LPCAT2: variants seen among roughly 807,000 people sequenced by gnomAD.
LPCAT2 encodes lysophosphatidylcholine acyltransferase 2.
LPCAT2 carries 58 observed loss-of-function variants against 64.7 expected under a neutral mutation model. That is an observed-to-expected ratio of 0.90 (90% CI 0.73 to 1.12). The LOEUF (loss-of-function observed/expected upper bound fraction) is 1.12. LPCAT2 is among the 50% of genes most tolerant of loss of function. The pLI, the probability that LPCAT2 is intolerant of heterozygous loss-of-function variation, is 0.00. For missense variants in LPCAT2, 579 were observed against 669.8 expected, an observed-to-expected ratio of 0.86 and a Z score of 1.50; for synonymous variants, 252 against 245.3, an observed-to-expected ratio of 1.03 and a Z score of -0.26.
At chr16:55,525,461 A>G in intron 1 of LPCAT2, 47 bp from the exon 2 acceptor site, 8 of 1,551,506 alleles carry the variant, frequency 5.2e-6, no homozygotes, top group African/African-American at 1.4e-5. Context: ...ATAGCCATGA[A>G]TTAAAATAAT....
chr16:55,571,993 G>T (rs1391545126), intron 11 of LPCAT2, among the ~76,000 whole-genome samples: 1 of 152,024 alleles, frequency 6.6e-6, no homozygotes, highest in African/African-American at 2.4e-5. Flanking sequence ...ACAGTATATT[G>T]ATTTACTAAT....
In LPCAT2 at chr16:55,547,388, C is replaced by T. The variant is rs978691711; in HGVS notation, c.935+1571C>T. On this transcript the variant is annotated intron_variant, in intron 9 of 13. Coordinates refer to ENST00000262134, the MANE Select transcript of LPCAT2 (RefSeq NM_017839.5). ...AATGGGAGTTAAAATCATTGCCTTG[C>T]CTTTCTCATGGTTTTGATTATTAGG... Among the ~76,000 whole-genome samples, 14 of 152,160 alleles carry T rather than the reference C, an allele frequency of 9.2e-5. No homozygotes were observed. In the East Asian group the frequency reaches 1.3e-3, roughly 15 times the overall value.
chr16:55,573,256 G>C (rs537027554), intron 11 of LPCAT2, among the ~76,000 whole-genome samples: 1 of 152,136 alleles, frequency 6.6e-6, no homozygotes, highest in East Asian at 1.9e-4. Context: ...CATTTCAGGG[G>C]CTTCACAGCC....
chr16:55,579,086 T>C (rs758713223), intron 12 of LPCAT2, 23 bp from the exon 13 acceptor site: 1 of 1,610,496 alleles, frequency 6.2e-7, no homozygotes, highest in South Asian at 1.1e-5. Context: ...AGGGAGCTAA[T>C]TCTTACATTT....
chr16:55,522,617 T>C (rs550034813), intron 1 of LPCAT2, among the ~76,000 whole-genome samples: 1 of 151,818 alleles, frequency 6.6e-6, no homozygotes, highest in East Asian at 1.9e-4. Flanking sequence ...TGGTGGAGTA[T>C]TGACAGAAGT....
chr16:55,571,732 T>C (rs1452157193), intron 11 of LPCAT2, among the ~76,000 whole-genome samples: 1 of 152,192 alleles, frequency 6.6e-6, no homozygotes, highest in East Asian at 1.9e-4. Flanking sequence ...ATTTGACATT[T>C]AAGAATTAAA....
At chr16:55,560,890 G>C (rs563013895) in intron 11 of LPCAT2, among the ~76,000 whole-genome samples, 1 of 151,784 alleles carries the variant, frequency 6.6e-6, no homozygotes, top group East Asian at 1.9e-4. Flanking sequence ...AATTTACCAA[G>C]TTGTGCAGTC....
chr16:55,520,049 A>G (rs1304947880), intron 1 of LPCAT2, among the ~76,000 whole-genome samples: 1 of 152,218 alleles, frequency 6.6e-6, no homozygotes, highest in African/African-American at 2.4e-5. Context: ...ATACCCAAAT[A>G]CATCAATAAT....
chr16:55,557,375 G>A (rs1963588997), intron 11 of LPCAT2, among the ~76,000 whole-genome samples: 1 of 151,326 alleles, frequency 6.6e-6, no homozygotes, highest in South Asian at 2.1e-4. Flanking sequence ...GCTGAATTGT[G>A]CAATTGATGC....
intron 1 of LPCAT2, among the ~76,000 whole-genome samples, chr16:55,512,035 T>G (rs561512425): frequency 6.6e-6 from 1 of 152,302 alleles, no homozygotes; most frequent in African/African-American, 2.4e-5. Flanking sequence ...GCACCACCAT[T>G]CAAATAAATA....
chr16:55,583,325 A>C lies in LPCAT2; in HGVS notation c.*227A>C. ...GTGTTATATTGTACTTTACTGATTC[A>C]TTTACTGGTGATACATATGTTTTTA... On this transcript the variant is annotated 3_prime_UTR_variant, in exon 14 of 14. Transcript: ENST00000262134. 5.0e-6 allele frequency: 2 copies of C among 400,904 alleles called. No individual in the cohort carries two copies. Among genetic ancestry groups the C allele is most frequent in the Admixed American group, 3.8e-5 (1 of 26,534 alleles). 24.8% of individuals were successfully genotyped at this position (400,904 alleles called of 1,614,324 possible). A position where few individuals can be genotyped will look rare whatever the true frequency, so the allele number is the denominator to read the frequency against.
chr16:55,570,568 A>G (rs1963758825), intron 11 of LPCAT2, among the ~76,000 whole-genome samples: 1 of 152,150 alleles, frequency 6.6e-6, no homozygotes. Context: ...CGGGGGGTCC[A>G]GCCTGAGTGA....
chr16:55,539,192 T>C (rs1235003000), intron 8 of LPCAT2: 1 of 144,578 alleles, frequency 6.9e-6, no homozygotes, highest in Non-Finnish European at 1.5e-5. Flanking sequence ...CAGATTCCTC[T>C]TTTTTTTTTT....
At chr16:55,510,128 A>G (rs1285402220) in intron 1 of LPCAT2, among the ~76,000 whole-genome samples, 6 of 151,300 alleles carry the variant, frequency 4.0e-5, no homozygotes, top group Admixed American at 2.6e-4. Flanking sequence ...CAGGAGCATG[A>G]TGGAGGGTGG....
chr16:55,529,348 T>G (rs773847642), intron 3 of LPCAT2, among the ~76,000 whole-genome samples: 3 of 152,090 alleles, frequency 2.0e-5, no homozygotes, highest in Non-Finnish European at 4.4e-5. Flanking sequence ...TAATATGGCT[T>G]TTTCCTGAAA....
chr16:55,532,776 AC>A lies in LPCAT2; in HGVS notation c.704-47del, dbSNP rs769859595. The stretch of plus-strand genomic sequence containing the variant: ...TTATTAATTTTCTCTTTATCATAAA[AC>A]TTTTATTCACATAAAAACACATTAT... On this transcript the variant is annotated intron_variant, in intron 5 of 13. Coordinates refer to ENST00000262134, the MANE Select transcript of LPCAT2 (RefSeq NM_017839.5). 9.3e-4 allele frequency: 1,191 copies of A among 1,277,786 alleles called. 2 individuals carry two copies. Among genetic ancestry groups the A allele is most frequent in the Non-Finnish European group, 1.2e-3 (1,088 of 879,060 alleles). The allele number at this position is 1,277,786 out of a possible 1,614,324, so 79.2% of individuals were successfully genotyped here. A position where few individuals can be genotyped will look rare whatever the true frequency, so the allele number is the denominator to read the frequency against.
intron 11 of LPCAT2, among the ~76,000 whole-genome samples, chr16:55,573,421 T>G (rs1177167091): frequency 6.6e-6 from 1 of 151,904 alleles, no homozygotes; most frequent in Non-Finnish European, 1.5e-5. Context: ...CCCCTGTCTC[T>G]GTGCCTCGGA....
chr16:55,519,538 G>T (rs549507499), intron 1 of LPCAT2, among the ~76,000 whole-genome samples: 1 of 150,546 alleles, frequency 6.6e-6, no homozygotes, highest in South Asian at 2.1e-4. Flanking sequence ...GAAGAGAAAT[G>T]GTAAAGAACA....
intron 11 of LPCAT2, among the ~76,000 whole-genome samples, chr16:55,560,991 C>T (rs768675273): frequency 3.3e-5 from 5 of 152,002 alleles, no homozygotes; most frequent in Non-Finnish European, 7.4e-5. Context: ...TACTTATCCC[C>T]TAGCCCTAGG....
Sources: gnomAD v4.1 joint callset for allele counts (sites outside exome capture counted in the v4.1 genomes callset) on GRCh38, gnomAD v4.1.1 for gene constraint, MANE v1.5 for transcripts, NCBI Gene and HGNC (gene_info 2026-07-23, HGNC 2026-07-21) for gene names.